Variants in ALG9 observed in about 807,000 individuals in gnomAD.
ALG9 encodes the protein alpha-1,2-mannosyltransferase ALG9.
A neutral mutation model predicts 81.8 loss-of-function variants in ALG9; 55 were observed. The observed-to-expected ratio is 0.67, with a 90% confidence interval of 0.54 to 0.84. The LOEUF is 0.84. Among genes scored for constraint, ALG9 ranks in the 40% least tolerant of loss-of-function variants. ALG9 has a pLI of 0.00. For synonymous variants in ALG9, 278 were observed against 274.3 expected (o/e 1.01, Z -0.13); for missense variants, 629 against 745.0 (o/e 0.84, Z 1.81).
chr11:111,770,809 G>A, the ALG9 span, among the ~76,000 whole-genome samples: 1 of 152,116 alleles, frequency 6.6e-6, no homozygotes, highest in Non-Finnish European at 1.5e-5. Context: ...TCCATATCCT[G>A]TCTCTATTCC....
the ALG9 span, among the ~76,000 whole-genome samples, chr11:111,776,626 A>C: frequency 6.6e-6 from 1 of 152,078 alleles, no homozygotes; most frequent in Admixed American, 6.6e-5. Context: ...CCAAACCAAC[A>C]AACAAAATAC....
intron 12 of ALG9, among the ~76,000 whole-genome samples, chr11:111,837,092 T>C (rs1955430034): frequency 6.6e-6 from 1 of 152,218 alleles, no homozygotes; most frequent in Admixed American, 6.5e-5. Context: ...CAAGAATGTC[T>C]TCTCTCTTCT....
intron 12 of ALG9, chr11:111,836,773 C>T (rs1276899341): frequency 5.6e-6 from 1 of 177,286 alleles, no homozygotes; most frequent in Admixed American, 5.5e-5. Context: ...AAAGTCAACA[C>T]TTAAAAAACA....
chr11:111,820,102 A>T (rs975239516), intron 13 of ALG9, among the ~76,000 whole-genome samples: 2 of 152,220 alleles, frequency 1.3e-5, no homozygotes, highest in Admixed American at 6.5e-5. Flanking sequence ...GTGTCTGGTA[A>T]GGGCCTTCTC....
At chr11:111,841,162 T>C (rs1956159388) in intron 9 of ALG9, among the ~76,000 whole-genome samples, 1 of 152,202 alleles carries the variant, frequency 6.6e-6, no homozygotes. Flanking sequence ...GACGAAAAGT[T>C]CCTGAGTTTA....
intron 4 of ALG9, chr11:111,864,179 G>C (rs1961422371): frequency 1.0e-5 from 6 of 585,740 alleles, no homozygotes; most frequent in Non-Finnish European, 1.9e-5. Context: ...ATAAATAAAA[G>C]CAAGAAGTTT....
chr11:111,801,911 C>T (rs1424789377), intron 14 of ALG9, among the ~76,000 whole-genome samples: 2 of 152,192 alleles, frequency 1.3e-5, no homozygotes, highest in Admixed American at 1.3e-4. Flanking sequence ...AATGAAGGCA[C>T]AATAGAGCCC....
chr11:111,801,159 A>C (rs928541487), intron 14 of ALG9, among the ~76,000 whole-genome samples: 2 of 152,242 alleles, frequency 1.3e-5, no homozygotes, highest in Admixed American at 6.5e-5. Context: ...CCATTGTTTC[A>C]AGATGACAGA....
At chr11:111,781,724 T>G (rs782011239), downstream of ALG9, among the ~76,000 whole-genome samples, 2 of 152,330 alleles carry the variant, frequency 1.3e-5, no homozygotes, top group South Asian at 2.1e-4. Context: ...CTTGGCTCAC[T>G]GCAACCTCCA....
At chr11:111,847,661 C>G (rs1264712527) in intron 8 of ALG9, among the ~76,000 whole-genome samples, 1 of 152,162 alleles carries the variant, frequency 6.6e-6, no homozygotes, top group East Asian at 1.9e-4. Context: ...TGATCTCTGA[C>G]CCCACAGAGA....
intron 13 of ALG9, among the ~76,000 whole-genome samples, chr11:111,820,914 ACG>A (rs1177354864): frequency 4.8e-5 from 5 of 103,210 alleles, no homozygotes; most frequent in Non-Finnish European, 5.9e-5. Flanking sequence ...GTCTCCAAAC[ACG>A]CGCGCACACA....
chr11:111,857,971 G>A, intron 5 of ALG9: 2 of 445,392 alleles, frequency 4.5e-6, no homozygotes, highest in Middle Eastern at 7.1e-4. Context: ...ACGGAGTCTT[G>A]CTCTATCACC....
In ALG9 at chr11:111,842,766, T is replaced by C. The variant is rs1956418123; in HGVS notation, c.1018+1835A>G. 2.0e-5 allele frequency among the ~76,000 whole-genome samples: 3 copies of C among 152,182 alleles called. No homozygotes were observed. The South Asian group carries it at 6.2e-4, about 32-fold the overall frequency. On this transcript the variant is annotated intron_variant, in intron 9 of 14. Coordinates refer to ENST00000616540, the MANE Select transcript of ALG9 (RefSeq NM_024740.2). ...GTATTGGTTCTATTCTAAAATCACA[T>C]AAAAATATAAAGAAAAAAACAGAAA... is the stretch of plus-strand genomic sequence containing the variant.
At chr11:111,772,593 C>T in the ALG9 span, among the ~76,000 whole-genome samples, 5 of 152,146 alleles carry the variant, frequency 3.3e-5, no homozygotes, top group Admixed American at 6.6e-5. Context: ...TACATTTATA[C>T]GGTGGGGCTG....
At position 111,836,297 on chromosome 11, in the gene ALG9, G is replaced by A. The variant is rs782375085; in HGVS notation, c.1473-3C>T. 3.1e-6 allele frequency: 5 copies of A among 1,613,870 alleles called. No homozygotes were observed. Among genetic ancestry groups the A allele is most frequent in the Non-Finnish European group, 4.2e-6 (5 of 1,179,942 alleles). On this transcript the variant is annotated splice_polypyrimidine_tract_variant and splice_region_variant and intron_variant, in intron 12 of 14. Transcript: ENST00000616540. The stretch of plus-strand genomic sequence containing the variant: ...ATGGAATGAACTGAAGCTGCCAACT[G>A]TCAGAAACACAAGGAGAATAAGAAA...
downstream of ALG9, among the ~76,000 whole-genome samples, chr11:111,779,436 A>G (rs1945805943): frequency 6.6e-6 from 1 of 152,110 alleles, no homozygotes; most frequent in Non-Finnish European, 1.5e-5. Flanking sequence ...TTTGTCACAA[A>G]TCACCCAATC....
downstream of ALG9, among the ~76,000 whole-genome samples, chr11:111,782,027 TA>T (rs1226821096): frequency 6.6e-6 from 1 of 152,206 alleles, no homozygotes; most frequent in Non-Finnish European, 1.5e-5. Flanking sequence ...AGTCTTCTTC[TA>T]AAGTTTTCAG....
At chr11:111,846,751 C>G (rs2136961211) in intron 8 of ALG9, among the ~76,000 whole-genome samples, 1 of 152,298 alleles carries the variant, frequency 6.6e-6, no homozygotes, top group African/African-American at 2.4e-5. Flanking sequence ...GAGTCCTCCC[C>G]TGCTTGATGA....
intron 14 of ALG9, among the ~76,000 whole-genome samples, chr11:111,800,352 G>A (rs1487110413): frequency 2.6e-5 from 4 of 151,758 alleles, no homozygotes; most frequent in African/African-American, 7.3e-5. Flanking sequence ...ATGGTGGCAC[G>A]CGCCTGTAGT....
Sources: allele counts gnomAD v4.1 joint callset (sites outside exome capture counted in the v4.1 genomes callset), GRCh38; gene constraint gnomAD v4.1.1; transcripts MANE v1.5; gene names NCBI Gene and HGNC (gene_info 2026-07-23, HGNC 2026-07-21).